The following SLC7A6OS variants were observed in gnomAD, a reference collection of about 807,000 sequenced individuals.
SLC7A6OS encodes the protein solute carrier family 7 member 6 opposite strand.
A neutral mutation model predicts 34.3 loss-of-function variants in SLC7A6OS; 22 were observed. That is an observed-to-expected ratio of 0.64 (90% CI 0.46 to 0.92). SLC7A6OS has a LOEUF of 0.92. Among genes scored for constraint, SLC7A6OS ranks in the 40% least tolerant of loss-of-function variants. The pLI, the probability that SLC7A6OS is intolerant of heterozygous loss-of-function variation, is 0.00. For synonymous variants in SLC7A6OS, 199 were observed against 165.0 expected, an observed-to-expected ratio of 1.21 and a Z score of -1.58; for missense variants, 434 against 407.7, an observed-to-expected ratio of 1.06 and a Z score of -0.56.
At chr16:68,304,427 TCTC>T (rs1435503797) in intron 2 of SLC7A6OS, among the ~76,000 whole-genome samples, 195 bp from the exon 3 acceptor site, 1 of 152,130 alleles carries the variant, frequency 6.6e-6, no homozygotes, top group African/African-American at 2.4e-5. Context: ...TTCAAGCGTT[TCTC>T]CTACCTCAGC....
At chr16:68,306,853 T>C (rs986980033) in intron 2 of SLC7A6OS, among the ~76,000 whole-genome samples, 11 of 141,920 alleles carry the variant, frequency 7.8e-5, no homozygotes, top group African/African-American at 2.1e-4. Flanking sequence ...CATTCATTCA[T>C]TCACTCAGAA....
chr16:68,306,945 T>C (rs1399416122), intron 2 of SLC7A6OS, among the ~76,000 whole-genome samples: 2 of 152,154 alleles, frequency 1.3e-5, no homozygotes, highest in Non-Finnish European at 2.9e-5. Flanking sequence ...CGGGCTCAAG[T>C]GCTCCTTTCT....
chr16:68,310,630 G>T lies in SLC7A6OS; in HGVS notation c.193-17C>A. 1.3e-6 allele frequency: 2 copies of T among 1,588,612 alleles called. No individual in the cohort carries two copies. Among genetic ancestry groups the T allele is most frequent in the Non-Finnish European group, 1.7e-6 (2 of 1,164,088 alleles). Reference sequence around the variant, plus strand: ...TGGTTCCTCCTAGGGGGCAACAGGGGACGGAGGCCAGCGTAAGCAGGAGTT... The same window carrying T: ...TGGTTCCTCCTAGGGGGCAACAGGGTACGGAGGCCAGCGTAAGCAGGAGTT... On this transcript the variant is annotated splice_polypyrimidine_tract_variant and intron_variant, in intron 1 of 4. Transcript: ENST00000263997.
At position 68,301,339 on chromosome 16, in the gene SLC7A6OS, T is replaced by C. The variant is rs771664412; in HGVS notation, c.866A>G (p.Lys289Arg). ...RGSSRQRMWS[K>R]YPLDVQKEFG... ...CTCCTTCTGCACATCCAGAGGGTAC[T>C]TGCTCCACATCCGCTGTCTGCTGCT... Residue 289 changes from lysine (K) to arginine (R), a missense_variant, in exon 5 of 5, where the codon AAG becomes AGG. By Grantham distance (26) the Lys-to-Arg change is conservative. Transcript: ENST00000263997. The C allele has an allele frequency of 1.9e-6, 3 of 1,614,154 alleles. No individual in the cohort carries two copies. Among genetic ancestry groups the C allele is most frequent in the African/African-American group, 1.3e-5 (1 of 75,036 alleles).
rs778172692 is a variant in SLC7A6OS, at chr16:68,299,691, C to G, written c.*1584G>C. 4 of 152,082 alleles carry G rather than the reference C, an allele frequency of 2.6e-5. No individual in the cohort carries two copies. The highest frequency in any genetic ancestry group is 5.9e-5 in the Non-Finnish European group (4 of 68,012). The allele number at this position is 152,082 out of a possible 1,614,324, so 9.4% of individuals were successfully genotyped here. A position where few individuals can be genotyped will look rare whatever the true frequency, so the allele number is the denominator to read the frequency against. On this transcript the variant is annotated 3_prime_UTR_variant, in exon 5 of 5. Transcript: ENST00000263997. ...AGCACAGTGTTTTGTTTTTTTCACC[C>G]GGTTGCTGTATGAGAATGGCTTTCA...
chr16:68,306,822 GTATT>G lies in SLC7A6OS; in HGVS notation c.472-2594_472-2591del, dbSNP rs1190784564. Among the ~76,000 whole-genome samples the G allele has an allele frequency of 4.4e-5, 5 of 113,468 alleles. No homozygotes were observed. In the Admixed American group the frequency reaches 5.0e-4, roughly 11 times the overall value. 74.4% of individuals were successfully genotyped at this position (113,468 alleles called of 152,430 possible). A position where few individuals can be genotyped will look rare whatever the true frequency, so the allele number is the denominator to read the frequency against. Reference sequence around the variant, plus strand: ...ATTATTTTGAAGTCTATGTCCATGTGTATTCATTCATTCATTCATTCATTCATTC... The same window carrying G: ...ATTATTTTGAAGTCTATGTCCATGTGCATTCATTCATTCATTCATTCATTC... On this transcript the variant is annotated intron_variant, in intron 2 of 4. Coordinates refer to ENST00000263997, the MANE Select transcript of SLC7A6OS (RefSeq NM_032178.3).
At position 68,310,768 on chromosome 16, in the gene SLC7A6OS, A is replaced by G; in HGVS notation, c.159T>C (p.Asn53=). The change falls in exon 1 of 5, where the codon AAT becomes AAC. Residue 53 remains asparagine (N), a synonymous_variant. Coordinates refer to ENST00000263997, the MANE Select transcript of SLC7A6OS (RefSeq NM_032178.3). ...SEGLERAAEN[N]VFHLVATVCS... is the part of the protein sequence containing the mutation. ...ACACAGTGGCCACCAAGTGGAAGAC[A>G]TTATTCTCCGCCGCTCTCTCCAAAC... 1 of 1,613,106 alleles carries G rather than the reference A, an allele frequency of 6.2e-7. No homozygotes were observed. The highest frequency in any genetic ancestry group is 8.5e-7 in the Non-Finnish European group (1 of 1,179,438).
chr16:68,300,765 T>C lies in SLC7A6OS; in HGVS notation c.*510A>G, dbSNP rs1231245440. On this transcript the variant is annotated 3_prime_UTR_variant, in exon 5 of 5. Transcript: ENST00000263997. ...ATAGCTGTTAACTAAAATCTCCCAC[T>C]GCTCAGACTACTTTCTGCCCTAATG... 23 of 985,534 alleles carry C rather than the reference T, an allele frequency of 2.3e-5. No homozygotes were observed. Among genetic ancestry groups the C allele is most frequent in the Non-Finnish European group, 2.7e-5 (22 of 829,992 alleles). 61.0% of individuals were successfully genotyped at this position (985,534 alleles called of 1,614,324 possible).
intron 2 of SLC7A6OS, among the ~76,000 whole-genome samples, chr16:68,307,006 A>T (rs1231179992): frequency 6.6e-6 from 1 of 152,168 alleles, no homozygotes; most frequent in Non-Finnish European, 1.5e-5. Context: ...AGCCCAGCCC[A>T]TATTTTCAGT....
intron 3 of SLC7A6OS, chr16:68,303,822 G>T: frequency 5.2e-6 from 3 of 571,910 alleles, no homozygotes; most frequent in Non-Finnish European, 6.2e-6. Context: ...ATGTAAAAAT[G>T]ATCAATCTAA....
chr16:68,301,360 C>G lies in SLC7A6OS; in HGVS notation c.845G>C (p.Ser282Thr). 4.3e-6 allele frequency: 7 copies of G among 1,614,170 alleles called. No individual in the cohort carries two copies. The highest frequency in any genetic ancestry group is 5.9e-6 in the Non-Finnish European group (7 of 1,179,996). Residue 282 changes from serine (S) to threonine (T), a missense_variant, in exon 5 of 5, where the codon AGC (serine) becomes ACC (threonine). Transcript: ENST00000263997. ...NSLSEEERGSSRQRMWSKYPL... is the reference protein window; with the variant it reads ...NSLSEEERGSTRQRMWSKYPL... Reference sequence around the variant, plus strand: ...GTACTTGCTCCACATCCGCTGTCTGCTGCTGCCTCTTTCCTCCTCACTCAG... The same window carrying G: ...GTACTTGCTCCACATCCGCTGTCTGGTGCTGCCTCTTTCCTCCTCACTCAG...
chr16:68,304,835 G>C (rs2043315342), intron 2 of SLC7A6OS, among the ~76,000 whole-genome samples: 1 of 152,106 alleles, frequency 6.6e-6, no homozygotes, highest in Admixed American at 6.5e-5. Flanking sequence ...CAGCTTGCTT[G>C]AGCCCAGAAG....
In SLC7A6OS at chr16:68,302,361, G is replaced by A. The variant is rs371319515; in HGVS notation, c.799+20C>T. The A allele has an allele frequency of 2.0e-5, 32 of 1,613,650 alleles. No homozygotes were observed. The highest frequency in any genetic ancestry group is 1.3e-4 in the Admixed American group (8 of 59,986). On this transcript the variant is annotated intron_variant, in intron 4 of 4. Transcript: ENST00000263997. ...GTCTCAGATCCTACCAGTCCCTCCC[G>A]GTCTGGGGCTGCCACCCACCTCTGG...
In SLC7A6OS at chr16:68,310,344, G is replaced by A. The variant is rs768983123; in HGVS notation, c.462C>T (p.Gly154=). The A allele has an allele frequency of 2.5e-6, 4 of 1,602,772 alleles. No individual in the cohort carries two copies. The highest frequency in any genetic ancestry group is 2.2e-5 in the East Asian group (1 of 44,628). The change falls in exon 2 of 5, where the codon GGC becomes GGT. Residue 154 remains glycine, a synonymous_variant. Transcript: ENST00000263997. The part of the protein sequence containing the change: ...EEGEPEAASA[G]SCKTSDPDVI... ...TCAGGGGCATACTCACTTTGCAGGA[G>A]CCTGCAGAGGCGGCTTCAGGTTCTC...
intron 2 of SLC7A6OS, among the ~76,000 whole-genome samples, chr16:68,308,993 A>C (rs1007209195): frequency 7.3e-5 from 11 of 150,810 alleles, no homozygotes; most frequent in African/African-American, 2.4e-4. Context: ...TGGAGGTTGC[A>C]GTGAGCCAGC....
In SLC7A6OS at chr16:68,310,810, T is replaced by G; in HGVS notation, c.117A>C (p.Ala39=). ...TCTCCAAACCCTCCGACGTCTTCTG[T>G]GCCGCTGACTCGACCGCGTCGCTCC... The part of the protein sequence containing the change: ...RLRSDAVESA[A]QKTSEGLERA... Residue 39 remains alanine (A), a synonymous_variant, in exon 1 of 5, where the codon GCA becomes GCC. Transcript: ENST00000263997. The G allele has an allele frequency of 1.2e-6, 2 of 1,613,770 alleles. No homozygotes were observed. The highest frequency in any genetic ancestry group is 1.7e-6 in the Non-Finnish European group (2 of 1,179,938).
intron 2 of SLC7A6OS, among the ~76,000 whole-genome samples, chr16:68,308,585 C>G (rs1028039158): frequency 1.4e-4 from 22 of 152,192 alleles, no homozygotes; most frequent in African/African-American, 5.3e-4. Context: ...CGAGATCGCG[C>G]CACTGCACTA....
intron 4 of SLC7A6OS, chr16:68,301,704 A>G (rs1357123776): frequency 4.8e-6 from 1 of 210,454 alleles, no homozygotes; most frequent in East Asian, 1.1e-4. Context: ...TCATATTGTA[A>G]ATATTTTTGT....
Position 68,301,316 on chromosome 16 carries a change from C to T in SLC7A6OS, c.889G>A (p.Glu297Lys), listed in dbSNP as rs2043269707. 6.2e-7 allele frequency: 1 copy of T among 1,614,164 alleles called. No individual in the cohort carries two copies. The highest frequency in any genetic ancestry group is 8.5e-7 in the Non-Finnish European group (1 of 1,180,010). The change falls in exon 5 of 5, where the codon GAG becomes AAG. Residue 297 changes from glutamate to lysine, a missense_variant. By Grantham distance (56) the Glu-to-Lys change is moderately conservative. Coordinates refer to ENST00000263997, the MANE Select transcript of SLC7A6OS (RefSeq NM_032178.3). The stretch of plus-strand genomic sequence containing the variant: ...TCGTGGGGGCTGTCATAGCCGAACT[C>T]CTTCTGCACATCCAGAGGGTACTTG... ...WSKYPLDVQK[E>K]FGYDSPHDLD...
Sources: gnomAD v4.1 joint callset for allele counts (sites outside exome capture counted in the v4.1 genomes callset) on GRCh38, gnomAD v4.1.1 for gene constraint, MANE v1.5 for transcripts, NCBI Gene and HGNC (gene_info 2026-07-23, HGNC 2026-07-21) for gene names.